ESRRG: variants seen among roughly 807,000 people sequenced by gnomAD.
ESRRG encodes estrogen-related receptor gamma.
A neutral mutation model predicts 44.0 loss-of-function variants in ESRRG; 13 were observed. That is an observed-to-expected ratio of 0.30 (90% confidence interval 0.19 to 0.47). The LOEUF (loss-of-function observed/expected upper bound fraction) is 0.47, where lower values mean the gene tolerates loss of function less well. Ranked by LOEUF, ESRRG falls within the 20% of genes least tolerant of loss-of-function variation. ESRRG has a pLI of 1.00. For synonymous variants in ESRRG, 215 were observed against 214.6 expected (o/e 1.00, Z -0.02); for missense variants, 395 against 580.6 (o/e 0.68, Z 3.29).
At chr1:216,631,799 A>G (rs1440437205) in intron 3 of ESRRG, among the ~76,000 whole-genome samples, 1 of 152,156 alleles carries the variant, frequency 6.6e-6, no homozygotes, top group Non-Finnish European at 1.5e-5. Context: ...TTCTTTGTGA[A>G]TACTAGTGTC....
rs559617808 is a variant in ESRRG at position 216,567,865 on chromosome 1, T to C, written c.700+123A>G. On this transcript the variant is annotated intron_variant, in intron 4 of 6. Transcript: ENST00000408911. The stretch of plus-strand genomic sequence containing the variant: ...AGACAATCTTTGGGAATAGAGCCAC[T>C]GTTCTCCAACAAAGAGAAGTCTCCT... 1,216 of 636,092 alleles carry C rather than the reference T, an allele frequency of 1.9e-3. 3 individuals carry two copies. The highest frequency in any genetic ancestry group is 2.8e-3 in the Non-Finnish European group (964 of 348,228). The allele number at this position is 636,092 out of a possible 1,614,324, so 39.4% of individuals were successfully genotyped here.
At chr1:216,973,050 C>A (rs1480429823) in intron 1 of ESRRG, among the ~76,000 whole-genome samples, 2 of 152,266 alleles carry the variant, frequency 1.3e-5, no homozygotes, top group Non-Finnish European at 2.9e-5. Context: ...GGAGTCCAAA[C>A]CACTGTGTGT....
At position 216,574,357 on chromosome 1, in the gene ESRRG, T is replaced by A. The variant is rs115851131; in HGVS notation, c.590-6259A>T. ...AGAGTAGGGCAAGGAGTAAAAAAAA[T>A]GCTGTGAGGCAAATAAACACCAATA... is the stretch of plus-strand genomic sequence containing the variant. On this transcript the variant is annotated intron_variant, in intron 3 of 6. Transcript: ENST00000408911. Among the ~76,000 whole-genome samples the A allele has an allele frequency of 9.4e-3, 1,435 of 152,192 alleles. 7 individuals are homozygous for A. Among genetic ancestry groups the A allele is most frequent in the Non-Finnish European group, 0.015 (1,023 of 67,974 alleles).
intron 2 of ESRRG, among the ~76,000 whole-genome samples, chr1:216,814,194 TG>T (rs2095063701): frequency 6.6e-6 from 1 of 152,080 alleles, no homozygotes; most frequent in African/African-American, 2.4e-5. Context: ...CCTGGACCAC[TG>T]GGCCATATCT....
chr1:217,128,366 A>G (rs1188198104), intron 1 of ESRRG, among the ~76,000 whole-genome samples: 3 of 152,196 alleles, frequency 2.0e-5, no homozygotes, highest in Non-Finnish European at 4.4e-5. Context: ...AATGTTTTGC[A>G]ATGATTTAGT....
intron 2 of ESRRG, among the ~76,000 whole-genome samples, chr1:216,857,511 A>T (rs2095969264): frequency 6.6e-6 from 1 of 152,146 alleles, no homozygotes; most frequent in African/African-American, 2.4e-5. Flanking sequence ...AACGAAATGC[A>T]CCAATATCAC....
chr1:216,917,158 CTTTTT>C (rs534545705), intron 2 of ESRRG, among the ~76,000 whole-genome samples: 1 of 130,638 alleles, frequency 7.7e-6, no homozygotes, highest in African/African-American at 2.8e-5. Flanking sequence ...AATAGACTTT[CTTTTT>C]TTTTTTTTTT....
chr1:216,683,195 A>G (rs1361361249), intron 1 of ESRRG, among the ~76,000 whole-genome samples: 2 of 152,216 alleles, frequency 1.3e-5, no homozygotes, highest in African/African-American at 4.8e-5. Flanking sequence ...TCTTTTAATA[A>G]GAAATATCTT....
At chr1:216,800,456 G>A (rs2094581668) in intron 2 of ESRRG, among the ~76,000 whole-genome samples, 1 of 152,166 alleles carries the variant, frequency 6.6e-6, no homozygotes, top group Non-Finnish European at 1.5e-5. Flanking sequence ...GACCGCTTAA[G>A]AAACATCTAT....
chr1:216,539,228 C>A (rs1027854615), intron 5 of ESRRG, among the ~76,000 whole-genome samples: 1 of 151,620 alleles, frequency 6.6e-6, no homozygotes, highest in East Asian at 1.9e-4. Context: ...ATATACCAAT[C>A]CACATCTTAG....
intron 3 of ESRRG, among the ~76,000 whole-genome samples, chr1:216,630,082 G>A (rs1181233349): frequency 6.6e-6 from 1 of 152,038 alleles, no homozygotes; most frequent in African/African-American, 2.4e-5. Flanking sequence ...GAAAACATTG[G>A]GGAAGTAACT....
intron 1 of ESRRG, among the ~76,000 whole-genome samples, chr1:217,030,627 AT>A (rs996345541): frequency 9.2e-5 from 14 of 152,048 alleles, no homozygotes; most frequent in African/African-American, 3.1e-4. Flanking sequence ...CTTCATTGTT[AT>A]TTTTTTCTTT....
Position 216,506,875 on chromosome 1 carries a change from A to T in ESRRG, c.*64T>A. The T allele has an allele frequency of 6.5e-7, 1 of 1,546,340 alleles. No individual in the cohort carries two copies. Among genetic ancestry groups the T allele is most frequent in the African/African-American group, 1.4e-5 (1 of 72,462 alleles). ...TAACTAAACTCTAAGTTTCTTCGAC[A>T]TCACTCTTGGGTTTATTTTCCCTTT... On this transcript the variant is annotated 3_prime_UTR_variant, in exon 7 of 7. Coordinates refer to ENST00000408911, the MANE Select transcript of ESRRG (RefSeq NM_001438.4).
upstream of ESRRG, among the ~76,000 whole-genome samples, chr1:216,725,521 C>A (rs2087336847): frequency 6.6e-6 from 1 of 151,824 alleles, no homozygotes; most frequent in Non-Finnish European, 1.5e-5. Context: ...AGGCATTTTG[C>A]AAAAGAAACA....
At chr1:216,551,531 TA>T (rs1187288607) in intron 5 of ESRRG, among the ~76,000 whole-genome samples, 7 of 152,116 alleles carry the variant, frequency 4.6e-5, no homozygotes, top group Admixed American at 1.3e-4. Flanking sequence ...ATTCTAACTA[TA>T]AAAAATTGCC....
intron 2 of ESRRG, among the ~76,000 whole-genome samples, chr1:216,884,610 T>C (rs998533190): frequency 5.3e-5 from 8 of 152,198 alleles, no homozygotes; most frequent in Non-Finnish European, 1.2e-4. Context: ...CATTCTTCAG[T>C]ACCTGGAGCA....
intron 2 of ESRRG, among the ~76,000 whole-genome samples, chr1:216,667,578 C>A (rs763406531): frequency 2.0e-5 from 3 of 148,956 alleles, no homozygotes; most frequent in Non-Finnish European, 3.0e-5. Flanking sequence ...CCCAGCTACT[C>A]AGGAGGCTGA....
chr1:216,643,604 C>T (rs1020822522), intron 3 of ESRRG, among the ~76,000 whole-genome samples: 1 of 152,114 alleles, frequency 6.6e-6, no homozygotes, highest in Non-Finnish European at 1.5e-5. Context: ...CTTCATGACT[C>T]CTGATGTACA....
At chr1:216,528,663 C>T (rs1227487326) in intron 5 of ESRRG, among the ~76,000 whole-genome samples, 1 of 152,000 alleles carries the variant, frequency 6.6e-6, no homozygotes. Flanking sequence ...TAGGCAATCC[C>T]AACCTAATTT....
Sources: gnomAD v4.1 joint callset for allele counts (sites outside exome capture counted in the v4.1 genomes callset) on GRCh38, gnomAD v4.1.1 for gene constraint, MANE v1.5 for transcripts, NCBI Gene and HGNC (gene_info 2026-07-23, HGNC 2026-07-21) for gene names.